The following PPP2R2B variants were observed in gnomAD, a reference collection of about 807,000 sequenced individuals.
The protein encoded by PPP2R2B is serine/threonine-protein phosphatase 2A 55 kDa regulatory subunit B beta isoform.
In PPP2R2B, 5 loss-of-function variants were observed where a neutral mutation model predicts 46.0. The observed-to-expected ratio is 0.11, with a 90% CI of 0.06 to 0.23. The LOEUF (loss-of-function observed/expected upper bound fraction) is 0.23, where lower values mean the gene tolerates loss of function less well. Among genes scored for constraint, PPP2R2B ranks in the 10% least tolerant of loss-of-function variants. The pLI, the probability that PPP2R2B is intolerant of heterozygous loss-of-function variation, is 1.00. For missense variants in PPP2R2B, 367 were observed against 575.0 expected, an observed-to-expected ratio of 0.64 and a Z score of 3.70; for synonymous variants, 215 against 206.7, an observed-to-expected ratio of 1.04 and a Z score of -0.34.
upstream of PPP2R2B, among the ~76,000 whole-genome samples, chr5:147,059,988 G>T (rs555488717): frequency 8.5e-5 from 13 of 152,144 alleles, no homozygotes; most frequent in East Asian, 2.3e-3. Context: ...TTTGGGGGAA[G>T]TTTCATCCTC....
intron 1 of PPP2R2B, among the ~76,000 whole-genome samples, chr5:147,012,776 T>G (rs1456504790): frequency 6.6e-6 from 1 of 151,180 alleles, no homozygotes; most frequent in African/African-American, 2.5e-5. Flanking sequence ...TCTGGTATGT[T>G]GTGTCTTTGT....
chr5:146,724,245 G>A (rs1428632009), intron 2 of PPP2R2B, among the ~76,000 whole-genome samples: 1 of 151,820 alleles, frequency 6.6e-6, no homozygotes, highest in Non-Finnish European at 1.5e-5. Context: ...CACTGGCTCT[G>A]TGATCCAGTG....
In PPP2R2B at chr5:146,672,578, A is replaced by G. The variant is rs150564659; in HGVS notation, c.447+18550T>C. On this transcript the variant is annotated intron_variant, in intron 5 of 9. Transcript: ENST00000394411. ...TGTTCGCATGTACCAGATTAAAGTT[A>G]CATTATCTATCCCAACACAGAAAAC... is the stretch of plus-strand genomic sequence containing the variant. Among the ~76,000 whole-genome samples, 655 of 152,294 alleles carry G rather than the reference A, an allele frequency of 4.3e-3. 3 individuals are homozygous for G. The highest frequency in any genetic ancestry group is 0.015 in the African/African-American group (634 of 41,568).
intron 7 of PPP2R2B, among the ~76,000 whole-genome samples, chr5:146,609,903 A>G (rs1308065927): frequency 4.2e-5 from 6 of 144,428 alleles, no homozygotes; most frequent in Non-Finnish European, 7.4e-5. Context: ...CAAGGTGGCA[A>G]CGAGGCTGGG....
chr5:146,883,440 G>A (rs928429994), upstream of PPP2R2B, among the ~76,000 whole-genome samples: 12 of 152,190 alleles, frequency 7.9e-5, no homozygotes, highest in South Asian at 2.1e-4. Context: ...CAGTTTTACT[G>A]CCTATCAATC....
At chr5:146,750,759 C>A (rs1753506256) in intron 2 of PPP2R2B, among the ~76,000 whole-genome samples, 4 of 152,154 alleles carry the variant, frequency 2.6e-5, no homozygotes, top group Admixed American at 2.6e-4. Context: ...ATATTTTCAA[C>A]ATAAGCCAGA....
At chr5:146,732,582 T>C (rs1200839239) in intron 2 of PPP2R2B, among the ~76,000 whole-genome samples, 7 of 152,236 alleles carry the variant, frequency 4.6e-5, no homozygotes, top group Non-Finnish European at 8.8e-5. Flanking sequence ...ACCATGCTCA[T>C]GGTAAAACAT....
intron 7 of PPP2R2B, chr5:146,617,114 C>G (rs1470500622): frequency 6.6e-6 from 1 of 152,076 alleles, no homozygotes; most frequent in Non-Finnish European, 1.5e-5. Context: ...GTGAAATGAG[C>G]CAGGGACAGA....
intron 1 of PPP2R2B, among the ~76,000 whole-genome samples, chr5:146,923,423 C>T (rs879517139): frequency 9.2e-5 from 14 of 152,118 alleles, no homozygotes; most frequent in African/African-American, 2.2e-4. Context: ...GAACTGTGTT[C>T]GAGTTGATTC....
chr5:146,593,812 G>A (rs1770903299), intron 8 of PPP2R2B, among the ~76,000 whole-genome samples: 2 of 152,172 alleles, frequency 1.3e-5, no homozygotes, highest in South Asian at 2.1e-4. Flanking sequence ...GTTTACATAG[G>A]CCCTTTATTC....
intron 1 of PPP2R2B, among the ~76,000 whole-genome samples, chr5:147,024,119 AT>A (rs1263729190): frequency 6.6e-6 from 1 of 152,008 alleles, no homozygotes; most frequent in Non-Finnish European, 1.5e-5. Flanking sequence ...AGCCTCCATA[AT>A]TGCGTGAGCC....
At chr5:146,724,600 G>A (rs1751733889) in intron 2 of PPP2R2B, among the ~76,000 whole-genome samples, 1 of 152,098 alleles carries the variant, frequency 6.6e-6, no homozygotes, top group Non-Finnish European at 1.5e-5. Flanking sequence ...TGGACTCGTT[G>A]TGAGATATAT....
At chr5:146,930,163 T>A (rs541034702) in intron 1 of PPP2R2B, among the ~76,000 whole-genome samples, 3 of 152,240 alleles carry the variant, frequency 2.0e-5, no homozygotes, top group Admixed American at 2.0e-4. Context: ...CCGCTTTAGA[T>A]TGAATAGTCC....
chr5:146,763,003 A>AC, intron 2 of PPP2R2B, among the ~76,000 whole-genome samples: 1 of 152,252 alleles, frequency 6.6e-6, no homozygotes, highest in Middle Eastern at 3.4e-3. Context: ...CAGTGGAGTG[A>AC]CCTGTGACCC....
intron 1 of PPP2R2B, among the ~76,000 whole-genome samples, chr5:147,048,976 G>C (rs1465123570): frequency 1.3e-5 from 2 of 151,980 alleles, no homozygotes; most frequent in African/African-American, 4.8e-5. Flanking sequence ...ACAAGTAAAT[G>C]GATGTATAAC....
intron 2 of PPP2R2B, among the ~76,000 whole-genome samples, chr5:146,832,599 C>T (rs1759027645): frequency 6.6e-6 from 1 of 151,748 alleles, no homozygotes; most frequent in African/African-American, 2.4e-5. Flanking sequence ...TCATATTGGC[C>T]AGGCTGGTCT....
At chr5:147,029,041 T>G (rs1755656218) in intron 1 of PPP2R2B, among the ~76,000 whole-genome samples, 1 of 152,206 alleles carries the variant, frequency 6.6e-6, no homozygotes. Flanking sequence ...TATAATCTGA[T>G]GTTAAGTCTG....
intron 5 of PPP2R2B, among the ~76,000 whole-genome samples, chr5:146,652,560 T>C (rs1776045170): frequency 6.6e-6 from 1 of 151,988 alleles, no homozygotes; most frequent in Admixed American, 6.6e-5. Flanking sequence ...AATGTATGTA[T>C]TGGAATGTGA....
chr5:146,945,259 C>T (rs1050299065), intron 1 of PPP2R2B, among the ~76,000 whole-genome samples: 8 of 152,126 alleles, frequency 5.3e-5, no homozygotes, highest in African/African-American at 1.9e-4. Flanking sequence ...CTTCAGGTTC[C>T]TTCCTCAAAA....
Sources: gnomAD v4.1 joint callset for allele counts (sites outside exome capture counted in the v4.1 genomes callset) on GRCh38, gnomAD v4.1.1 for gene constraint, MANE v1.5 for transcripts, NCBI Gene and HGNC (gene_info 2026-07-23, HGNC 2026-07-21) for gene names.